SASH1: variants seen among roughly 807,000 people sequenced by gnomAD.
SASH1 encodes the protein SAM and SH3 domain-containing protein 1.
In SASH1, 44 loss-of-function variants were observed where a neutral mutation model predicts 125.2. That is an observed-to-expected ratio of 0.35 (90% CI 0.28 to 0.45). SASH1 has a LOEUF of 0.45. SASH1 is among the 20% of genes least tolerant of loss of function. SASH1 has a pLI of 1.00. For synonymous variants in SASH1, 639 were observed against 649.1 expected (o/e 0.98, Z 0.24); for missense variants, 1,426 against 1,614.5 (o/e 0.88, Z 2.00).
At chr6:148,258,083 C>T in the SASH1 span, among the ~76,000 whole-genome samples, 1 of 151,956 alleles carries the variant, frequency 6.6e-6, no homozygotes, top group Non-Finnish European at 1.5e-5. Context: ...GAGTACTTGG[C>T]TTTCCCTTTT....
chr6:148,378,749 G>T (rs1021067411), intron 1 of SASH1, among the ~76,000 whole-genome samples: 12 of 152,182 alleles, frequency 7.9e-5, no homozygotes, highest in African/African-American at 2.9e-4. Context: ...CATCCCAGTG[G>T]GTTTAGATCT....
At chr6:148,498,218 TACAAAAACAAACAA>T (rs1242026138) in intron 8 of SASH1, among the ~76,000 whole-genome samples, 10 of 118,896 alleles carry the variant, frequency 8.4e-5, no homozygotes, top group Non-Finnish European at 1.6e-4. Flanking sequence ...ACCTCATCTC[TACAAAAACAAACAA>T]ACAAAAAAAA....
the SASH1 span, among the ~76,000 whole-genome samples, chr6:148,224,141 A>T: frequency 3.3e-5 from 5 of 152,152 alleles, no homozygotes; most frequent in South Asian, 2.1e-4. Context: ...CAAAAATTTT[A>T]AAAAATTAGC....
intron 1 of SASH1, 58 bp from the exon 2 acceptor site, chr6:148,390,076 G>T: frequency 6.2e-7 from 1 of 1,600,876 alleles, no homozygotes; most frequent in Non-Finnish European, 8.5e-7. Context: ...AGGTCCGATG[G>T]CTGTGGGCTT....
Position 148,544,479 on chromosome 6 carries a change from T to C in SASH1, c.3009T>C (p.Val1003=), listed in dbSNP as rs1474326096. ...GCCTTGCTAACGGACTCCACCCTGTTCCCATGGGCCCCAGTGGGGCCCTCC... is the reference window on the plus strand; with the variant it reads ...GCCTTGCTAACGGACTCCACCCTGTCCCCATGGGCCCCAGTGGGGCCCTCC... ...RERLANGLHP[V]PMGPSGALPS... The change falls in exon 18 of 20, where the codon GTT becomes GTC. Residue 1003 remains valine, a synonymous_variant. Transcript: ENST00000367467. This position sits in a 1 kb window ranked among gnomAD's most constrained non-coding sequence, Gnocchi z 6.4. 6 of 1,613,824 alleles carry C rather than the reference T, an allele frequency of 3.7e-6. No individual in the cohort carries two copies. Among genetic ancestry groups the C allele is most frequent in the African/African-American group, 1.3e-5 (1 of 74,892 alleles).
intron 7 of SASH1, chr6:148,478,892 A>G (rs1255681195): frequency 2.8e-5 from 5 of 178,666 alleles, no homozygotes; most frequent in Non-Finnish European, 5.1e-5. Context: ...CTCCCATTAC[A>G]TTCCTTGGGC....
At chr6:148,498,875 G>A (rs540213362) in intron 8 of SASH1, among the ~76,000 whole-genome samples, 1 of 152,168 alleles carries the variant, frequency 6.6e-6, no homozygotes, top group East Asian at 1.9e-4. Flanking sequence ...CCTAGCGCCG[G>A]TCCTTATTTA....
intron 1 of SASH1, among the ~76,000 whole-genome samples, chr6:148,359,214 A>C (rs1355180960): frequency 6.6e-6 from 1 of 151,902 alleles, no homozygotes; most frequent in Non-Finnish European, 1.5e-5. Flanking sequence ...GCTGAAGTGC[A>C]GCTGCGCCAT....
intron 1 of SASH1, among the ~76,000 whole-genome samples, chr6:148,276,319 C>A (rs1216066352): frequency 6.6e-6 from 1 of 152,116 alleles, no homozygotes; most frequent in Non-Finnish European, 1.5e-5. Flanking sequence ...AAATGGTGGA[C>A]ATAGAACTCT....
chr6:148,202,224 T>C, the SASH1 span, among the ~76,000 whole-genome samples: 4,259 of 152,204 alleles, frequency 0.028, 91 homozygotes, highest in East Asian at 0.06. Context: ...TGCAATTGTA[T>C]GCCAAAAGAG....
chr6:148,329,593 C>A (rs1270145587), intron 1 of SASH1, among the ~76,000 whole-genome samples: 1 of 152,044 alleles, frequency 6.6e-6, no homozygotes, highest in African/African-American at 2.4e-5. Flanking sequence ...TATAAGACAG[C>A]TCAGAAGAAC....
At chr6:148,325,611 A>G (rs1044501854) in intron 1 of SASH1, among the ~76,000 whole-genome samples, 1 of 151,908 alleles carries the variant, frequency 6.6e-6, no homozygotes, top group African/African-American at 2.4e-5. Flanking sequence ...TCTTACGAGA[A>G]CTCACCATCA....
intron 1 of SASH1, among the ~76,000 whole-genome samples, chr6:148,310,505 A>G (rs1020771748): frequency 2.0e-5 from 3 of 152,168 alleles, no homozygotes; most frequent in Admixed American, 6.6e-5. Context: ...TCACTAAAAC[A>G]AGATATGATT....
chr6:148,292,054 AC>A (rs1219048984), intron 1 of SASH1, among the ~76,000 whole-genome samples: 2 of 152,206 alleles, frequency 1.3e-5, no homozygotes, highest in Admixed American at 6.5e-5. Context: ...CAGGAAAAAA[AC>A]GCCTGAATAT....
At chr6:148,503,490 TTGAC>T (rs1779643931) in intron 8 of SASH1, among the ~76,000 whole-genome samples, 1 of 152,256 alleles carries the variant, frequency 6.6e-6, no homozygotes, top group African/African-American at 2.4e-5. Context: ...TTGTATTGTA[TTGAC>T]TATTTCTTGA....
At chr6:148,362,220 C>T (rs1396676846) in intron 1 of SASH1, among the ~76,000 whole-genome samples, 3 of 148,458 alleles carry the variant, frequency 2.0e-5, no homozygotes, top group Non-Finnish European at 4.4e-5. Context: ...AGCCACCGTG[C>T]CTGGCCTCTT....
intron 19 of SASH1, 92 bp from the exon 20 acceptor site, chr6:148,548,203 A>C (rs1583345710): frequency 8.8e-7 from 1 of 1,135,030 alleles, no homozygotes; most frequent in Non-Finnish European, 1.3e-6. Context: ...CTAGCAATGC[A>C]GTATTTCAGT....
chr6:148,324,045 G>T (rs751190209), intron 1 of SASH1, among the ~76,000 whole-genome samples: 2 of 148,538 alleles, frequency 1.3e-5, no homozygotes, highest in African/African-American at 2.5e-5. Flanking sequence ...GCTTGAACCC[G>T]GGAGGCGGAG....
At chr6:148,328,585 T>A (rs1214593125) in intron 1 of SASH1, among the ~76,000 whole-genome samples, 1 of 147,478 alleles carries the variant, frequency 6.8e-6, no homozygotes, top group Non-Finnish European at 1.5e-5. Flanking sequence ...AGAGCAAGAC[T>A]CCATCTCAAA....
Sources: allele counts gnomAD v4.1 joint callset (sites outside exome capture counted in the v4.1 genomes callset), GRCh38; gene constraint gnomAD v4.1.1; non-coding constraint Gnocchi (gnomAD v3.1); transcripts MANE v1.5; gene names NCBI Gene and HGNC (gene_info 2026-07-23, HGNC 2026-07-21).